Variants in MAP3K5 observed in about 807,000 individuals in gnomAD.
MAP3K5 encodes mitogen-activated protein kinase kinase kinase 5.
In MAP3K5, 56 loss-of-function variants were observed where a neutral mutation model predicts 158.7. That is an observed-to-expected ratio of 0.35 (90% CI 0.28 to 0.44). The LOEUF (loss-of-function observed/expected upper bound fraction) is 0.44, where lower values mean the gene tolerates loss of function less well. Ranked by LOEUF, MAP3K5 falls within the 20% of genes least tolerant of loss-of-function variation. MAP3K5 has a pLI of 1.00. For synonymous variants in MAP3K5, 579 were observed against 601.7 expected (o/e 0.96, Z 0.55); for missense variants, 1,294 against 1,674.8 (o/e 0.77, Z 3.97).
intron 14 of MAP3K5, among the ~76,000 whole-genome samples, chr6:136,634,819 A>G (rs1777542650): frequency 6.6e-6 from 1 of 151,932 alleles, no homozygotes; most frequent in African/African-American, 2.4e-5. Context: ...CACTCACCTC[A>G]GCATCCCAAT....
intron 1 of MAP3K5, among the ~76,000 whole-genome samples, chr6:136,748,893 T>A (rs1335027805): frequency 6.6e-6 from 1 of 152,240 alleles, no homozygotes; most frequent in Non-Finnish European, 1.5e-5. Flanking sequence ...TTTTGTATAA[T>A]TAAGGAGAAG....
chr6:136,625,110 A>C (rs975204110), intron 14 of MAP3K5, among the ~76,000 whole-genome samples: 33 of 152,202 alleles, frequency 2.2e-4, no homozygotes, highest in African/African-American at 8.0e-4. Context: ...CAAGATTTTC[A>C]GTTTCATTAA....
chr6:136,649,826 C>A (rs1032122328), intron 11 of MAP3K5, among the ~76,000 whole-genome samples: 5 of 152,324 alleles, frequency 3.3e-5, no homozygotes, highest in Admixed American at 2.0e-4. Context: ...TTAACCTTCA[C>A]AACAGCCTTT....
chr6:136,693,138 G>T (rs928075691), intron 7 of MAP3K5, among the ~76,000 whole-genome samples: 2 of 152,236 alleles, frequency 1.3e-5, no homozygotes, highest in East Asian at 3.9e-4. Context: ...AGCAGATAAA[G>T]AAATTTTCCC....
intron 3 of MAP3K5, among the ~76,000 whole-genome samples, chr6:136,704,880 A>G (rs1781005507): frequency 6.6e-6 from 1 of 152,148 alleles, no homozygotes; most frequent in Non-Finnish European, 1.5e-5. Context: ...TCCAAAACAT[A>G]ATTATATGCA....
intron 3 of MAP3K5, among the ~76,000 whole-genome samples, chr6:136,704,725 T>A (rs868180300): frequency 1.2e-4 from 19 of 152,092 alleles, no homozygotes; most frequent in African/African-American, 4.3e-4. Context: ...TTTGTATTTT[T>A]AGTAGAGATG....
intron 1 of MAP3K5, among the ~76,000 whole-genome samples, chr6:136,751,572 G>A (rs569241602): frequency 1.2e-4 from 19 of 152,144 alleles, no homozygotes; most frequent in Non-Finnish European, 2.4e-4. Flanking sequence ...TGAATTAAAC[G>A]CTCCCTTCCC....
intron 21 of MAP3K5, among the ~76,000 whole-genome samples, chr6:136,596,809 T>C (rs1411768324): frequency 2.0e-5 from 3 of 152,232 alleles, no homozygotes; most frequent in African/African-American, 7.2e-5. Context: ...GTTATGACGA[T>C]TTCCAGGCAA....
chr6:136,565,522 C>G (rs1774061565), intron 26 of MAP3K5, among the ~76,000 whole-genome samples: 1 of 152,220 alleles, frequency 6.6e-6, no homozygotes. Context: ...GCCTCAACCT[C>G]TTGGGCTCAG....
At chr6:136,587,128 A>C (rs967017948) in intron 23 of MAP3K5, among the ~76,000 whole-genome samples, 6 of 152,130 alleles carry the variant, frequency 3.9e-5, no homozygotes, top group Non-Finnish European at 8.8e-5. Flanking sequence ...TTCCTCAAAA[A>C]CCAGGAAAGG....
intron 7 of MAP3K5, among the ~76,000 whole-genome samples, chr6:136,674,121 T>TA (rs1221658576): frequency 6.8e-6 from 1 of 146,474 alleles, no homozygotes; most frequent in African/African-American, 2.5e-5. Context: ...TTTAGAGTAA[T>TA]AAAAGAAAAA....
chr6:136,558,033 T>C (rs1328619281), intron 29 of MAP3K5, among the ~76,000 whole-genome samples: 1 of 152,232 alleles, frequency 6.6e-6, no homozygotes. Flanking sequence ...CAAAACATCA[T>C]TTTAGAGTTT....
chr6:136,766,496 C>T (rs758828481), intron 1 of MAP3K5, among the ~76,000 whole-genome samples: 4 of 152,204 alleles, frequency 2.6e-5, no homozygotes, highest in South Asian at 2.1e-4. Context: ...GTCTTCCCTT[C>T]ATTACCAGAC....
At chr6:136,763,930 T>A (rs1203287169) in intron 1 of MAP3K5, among the ~76,000 whole-genome samples, 2 of 152,160 alleles carry the variant, frequency 1.3e-5, no homozygotes, top group Non-Finnish European at 2.9e-5. Flanking sequence ...ACCTTGAGAC[T>A]CTGCAGAGAG....
chr6:136,652,394 C>A (rs1778558380), intron 10 of MAP3K5, among the ~76,000 whole-genome samples: 1 of 152,094 alleles, frequency 6.6e-6, no homozygotes, highest in African/African-American at 2.4e-5. Flanking sequence ...AGTGAGAGCC[C>A]ATAAGTGAAC....
At chr6:136,787,450 T>C (rs1167083320) in intron 1 of MAP3K5, among the ~76,000 whole-genome samples, 1 of 151,356 alleles carries the variant, frequency 6.6e-6, no homozygotes, top group Non-Finnish European at 1.5e-5. Context: ...AATGCTGTCA[T>C]TTTAAAGTAC....
chr6:136,568,857 CA>C (rs60185973), intron 25 of MAP3K5, among the ~76,000 whole-genome samples: 10,196 of 46,188 alleles, frequency 0.22, 189 homozygotes, highest in East Asian at 0.32. Flanking sequence ...GAGTCTGTCT[CA>C]AAAAAAAAAA....
chr6:136,587,854 C>T (rs975505683), intron 23 of MAP3K5, among the ~76,000 whole-genome samples: 1 of 152,176 alleles, frequency 6.6e-6, no homozygotes, highest in South Asian at 2.1e-4. Flanking sequence ...CATTCAAATG[C>T]ACTTTAAAAC....
intron 2 of MAP3K5, among the ~76,000 whole-genome samples, chr6:136,707,128 T>A (rs1226374757): frequency 6.6e-6 from 1 of 152,128 alleles, no homozygotes; most frequent in Non-Finnish European, 1.5e-5. Context: ...GCACTCCAGC[T>A]TGGGCAACAG....
Sources: allele counts gnomAD v4.1 joint callset (sites outside exome capture counted in the v4.1 genomes callset), GRCh38; gene constraint gnomAD v4.1.1; transcripts MANE v1.5; gene names NCBI Gene and HGNC (gene_info 2026-07-23, HGNC 2026-07-21).